IL17RE: variants seen among roughly 807,000 people sequenced by gnomAD.
IL17RE encodes interleukin-17 receptor E.
A neutral mutation model predicts 70.7 loss-of-function variants in IL17RE; 47 were observed. The ratio of observed to expected loss-of-function variants is 0.67; its 90% CI spans 0.53 to 0.85. IL17RE has a LOEUF of 0.85. Ranked by LOEUF, IL17RE falls within the 40% of genes least tolerant of loss-of-function variation. The pLI is 0.00. For missense variants in IL17RE, 850 were observed against 893.9 expected, an observed-to-expected ratio of 0.95 and a Z score of 0.63; for synonymous variants, 372 against 381.2, an observed-to-expected ratio of 0.98 and a Z score of 0.28.
At chr3:9,908,096 G>A in intron 6 of IL17RE, 143 bp from the exon 7 acceptor site, 3 of 675,122 alleles carry the variant, frequency 4.4e-6, no homozygotes, top group South Asian at 1.7e-5. Context: ...CAACCTTTGA[G>A]AGACTTATCA....
At chr3:9,912,557 C>G (rs1388072407) in intron 12 of IL17RE, among the ~76,000 whole-genome samples, 2 of 152,230 alleles carry the variant, frequency 1.3e-5, no homozygotes, top group Admixed American at 6.5e-5. Flanking sequence ...ATAAAAACCA[C>G]AGTCAAGTAC....
chr3:9,914,405 A>G (rs748326931), intron 13 of IL17RE, 143 bp from the exon 14 acceptor site: 98 of 1,512,532 alleles, frequency 6.5e-5, no homozygotes, highest in Non-Finnish European at 8.3e-5. Flanking sequence ...GTGCCAGGCT[A>G]GCAGCTGGAG....
intron 12 of IL17RE, among the ~76,000 whole-genome samples, chr3:9,912,854 A>G (rs930024697): frequency 3.9e-5 from 6 of 152,032 alleles, no homozygotes; most frequent in African/African-American, 1.4e-4. Flanking sequence ...GGGTGACAGC[A>G]TAAGACTCTG....
Position 9,913,962 on chromosome 3 carries a change from G to A in IL17RE, c.1234G>A (p.Gly412Ser). The A allele has an allele frequency of 6.2e-7, 1 of 1,614,024 alleles. No homozygotes were observed. The change falls in exon 13 of 16, where the codon GGC becomes AGC. Residue 412 changes from glycine (G) to serine (S), a missense_variant. Gly to Ser is a moderately conservative substitution (Grantham distance 56). Transcript: ENST00000383814. Reference sequence around the variant, plus strand: ...CTGCTCTTTGTTTCTACAGGCCCGGGGCTCAAGCCCAGTGTCACTAGACCT... The same window carrying A: ...CTGCTCTTTGTTTCTACAGGCCCGGAGCTCAAGCCCAGTGTCACTAGACCT... ...PPVYTVSQAR[G>S]SSPVSLDLII...
At chr3:9,912,278 T>C (rs1020322934) in intron 12 of IL17RE, among the ~76,000 whole-genome samples, 4 of 152,090 alleles carry the variant, frequency 2.6e-5, no homozygotes, top group Non-Finnish European at 5.9e-5. Context: ...AAAATTTTCT[T>C]CCATGAAACC....
Position 9,906,555 on chromosome 3 carries a change from G to C in IL17RE, c.366+94G>C. 3 of 1,364,086 alleles carry C rather than the reference G, an allele frequency of 2.2e-6. No individual in the cohort carries two copies. The South Asian group carries it at 3.6e-5, about 16-fold the overall frequency. 84.5% of individuals were successfully genotyped at this position (1,364,086 alleles called of 1,614,324 possible). A position where few individuals can be genotyped will look rare whatever the true frequency, so the allele number is the denominator to read the frequency against. ...GTTCTCCAGCCATGTGAGACAGAAAGTGTGGAGATGAAGTATTCTGTCTAT... is the reference window on the plus strand; with the variant it reads ...GTTCTCCAGCCATGTGAGACAGAAACTGTGGAGATGAAGTATTCTGTCTAT... On this transcript the variant is annotated intron_variant, in intron 4 of 15. Transcript: ENST00000383814.
chr3:9,908,616 A>G (rs2082814706), intron 7 of IL17RE, among the ~76,000 whole-genome samples: 1 of 152,190 alleles, frequency 6.6e-6, no homozygotes, highest in South Asian at 2.1e-4. Flanking sequence ...GTGTGTTCTG[A>G]GGAGTCGAGG....
Position 9,915,698 on chromosome 3 carries a change from C to T in IL17RE, c.1895C>T (p.Ala632Val), listed in dbSNP as rs1387943298. The change falls in exon 16 of 16, where the codon GCA becomes GTA. Residue 632 changes from alanine (A) to valine (V), a missense_variant. Ala to Val is a moderately conservative substitution (Grantham distance 64). Transcript: ENST00000383814. This position sits in a 1 kb window ranked among gnomAD's most constrained non-coding sequence, Gnocchi z 4.9. ...LLRALDARPF[A>V]EATSWGRLGA... ...CGGGCGCTGGACGCGCGGCCTTTCG[C>T]AGAGGCCACCAGCTGGGGCCGCCTT... The T allele has an allele frequency of 7.2e-7, 1 of 1,394,174 alleles. No homozygotes were observed. Among genetic ancestry groups the T allele is most frequent in the Non-Finnish European group, 9.2e-7 (1 of 1,083,570 alleles). The allele number at this position is 1,394,174 out of a possible 1,614,324, so 86.4% of individuals were successfully genotyped here.
rs975644009 is a variant in IL17RE at position 9,915,519 on chromosome 3, C to A, written c.1716C>A (p.Pro572=). Residue 572 remains proline (P), a synonymous_variant, in exon 16 of 16, where the codon CCC becomes CCA. Transcript: ENST00000383814. This position sits in a 1 kb window ranked among gnomAD's most constrained non-coding sequence, Gnocchi z 4.9. ...ADLRPVSGPD[P]RAAPLLALLH... The stretch of plus-strand genomic sequence containing the variant: ...TTCGCCCGGTCAGCGGCCCCGACCC[C>A]CGCGCCGCGCCCCTGCTCGCCCTGC... The A allele has an allele frequency of 1.1e-4, 147 of 1,320,474 alleles. 1 individual carries two copies. In the Middle Eastern group the frequency reaches 1.1e-3, roughly 10 times the overall value. The allele number at this position is 1,320,474 out of a possible 1,614,324, so 81.8% of individuals were successfully genotyped here.
chr3:9,908,847 A>G (rs894885316), intron 7 of IL17RE, among the ~76,000 whole-genome samples: 1 of 152,212 alleles, frequency 6.6e-6, no homozygotes, highest in Non-Finnish European at 1.5e-5. Flanking sequence ...CAGGGTGGAC[A>G]GCAGGTGGGC....
chr3:9,909,430 C>T, intron 8 of IL17RE, 147 bp downstream of exon 8: 1 of 731,626 alleles, frequency 1.4e-6, no homozygotes, highest in Non-Finnish European at 2.3e-6. Context: ...AGGTACTTTC[C>T]CTGGAGTCAG....
intron 8 of IL17RE, chr3:9,909,620 CTT>C: frequency 3.7e-6 from 1 of 273,420 alleles, no homozygotes; most frequent in Non-Finnish European, 6.9e-6. Flanking sequence ...CTGAGCCTCA[CTT>C]TCCTCATCTG....
rs776539881 is a variant in IL17RE at position 9,915,209 on chromosome 3, C to A, written c.1448-42C>A. The stretch of plus-strand genomic sequence containing the variant: ...GGTGGGGAGAAGAGGGCTGAGCAGT[C>A]CCTCAGCCGCCCAGCCTTCATCTGT... On this transcript the variant is annotated intron_variant, in intron 15 of 15. Transcript: ENST00000383814. The surrounding 1 kb of genome is among the most constrained non-coding windows in gnomAD (Gnocchi z 4.9). 2.0e-5 allele frequency: 28 copies of A among 1,367,526 alleles called. No individual in the cohort carries two copies. The Middle Eastern group carries it at 1.4e-3, about 67-fold the overall frequency. 84.7% of individuals were successfully genotyped at this position (1,367,526 alleles called of 1,614,324 possible). A position where few individuals can be genotyped will look rare whatever the true frequency, so the allele number is the denominator to read the frequency against.
chr3:9,915,907 C>T lies in IL17RE; in HGVS notation c.*100C>T. ...TTCGACCCTGAAATCCTTGGGGTGCCTCGAGGACGACTGGCCGAAAAGCCG... is the reference window on the plus strand; with the variant it reads ...TTCGACCCTGAAATCCTTGGGGTGCTTCGAGGACGACTGGCCGAAAAGCCG... On this transcript the variant is annotated 3_prime_UTR_variant, in exon 16 of 16. Coordinates refer to ENST00000383814, the MANE Select transcript of IL17RE (RefSeq NM_153480.2). This position sits in a 1 kb window ranked among gnomAD's most constrained non-coding sequence, Gnocchi z 4.9. 1 of 1,357,082 alleles carries T rather than the reference C, an allele frequency of 7.4e-7. No individual in the cohort carries two copies. The highest frequency in any genetic ancestry group is 1.8e-5 in the South Asian group (1 of 54,830). The allele number at this position is 1,357,082 out of a possible 1,614,324, so 84.1% of individuals were successfully genotyped here. A position where few individuals can be genotyped will look rare whatever the true frequency, so the allele number is the denominator to read the frequency against.
At chr3:9,913,141 A>C (rs1381724461) in intron 12 of IL17RE, among the ~76,000 whole-genome samples, 1 of 152,212 alleles carries the variant, frequency 6.6e-6, no homozygotes, top group Non-Finnish European at 1.5e-5. Flanking sequence ...GCAGTGGCTC[A>C]CGCCTGTAAT....
chr3:9,909,563 G>T, intron 8 of IL17RE: 1 of 426,994 alleles, frequency 2.3e-6, no homozygotes, highest in Non-Finnish European at 4.2e-6. Flanking sequence ...CTAAGAGGAT[G>T]GGCCAGAAGA....
At position 9,906,347 on chromosome 3, in the gene IL17RE, A is replaced by G. The variant is rs2082755742; in HGVS notation, c.269-17A>G. On this transcript the variant is annotated splice_polypyrimidine_tract_variant and intron_variant, in intron 3 of 15. Transcript: ENST00000383814. ...GGGTAATGAGGGCTAGATAGTAAGT[A>G]CGTCTCCCCTGCACAGGTCTTCAAC... The G allele has an allele frequency of 6.4e-7, 1 of 1,554,688 alleles. No individual in the cohort carries two copies. The highest frequency in any genetic ancestry group is 1.4e-5 in the African/African-American group (1 of 73,620).
intron 3 of IL17RE, among the ~76,000 whole-genome samples, chr3:9,905,969 T>G (rs1291654811): frequency 3.3e-5 from 5 of 151,462 alleles, no homozygotes; most frequent in Non-Finnish European, 5.9e-5. Context: ...TAAAACGACT[T>G]ACTATCAGGC....
chr3:9,914,497 C>T lies in IL17RE; in HGVS notation c.1297-51C>T, dbSNP rs111889619. Reference sequence around the variant, plus strand: ...CAGCTCCATGCTTCACTCAGCTCCCCGGGAGGAGAAGATGCCTGGCTCATA... The same window carrying T: ...CAGCTCCATGCTTCACTCAGCTCCCTGGGAGGAGAAGATGCCTGGCTCATA... On this transcript the variant is annotated intron_variant, in intron 13 of 15. Transcript: ENST00000383814. 1.4e-3 allele frequency: 2,175 copies of T among 1,609,422 alleles called. 29 individuals carry two copies. In the African/African-American group the frequency reaches 0.023, roughly 17 times the overall value.
Sources: allele counts gnomAD v4.1 joint callset (sites outside exome capture counted in the v4.1 genomes callset), GRCh38; gene constraint gnomAD v4.1.1; non-coding constraint Gnocchi (gnomAD v3.1); transcripts MANE v1.5; gene names NCBI Gene and HGNC (gene_info 2026-07-23, HGNC 2026-07-21).